Variants in CAMK1D observed in about 807,000 individuals in gnomAD.
CAMK1D encodes calcium/calmodulin-dependent protein kinase type 1D.
A neutral mutation model predicts 47.7 loss-of-function variants in CAMK1D; 9 were observed. That is an observed-to-expected ratio of 0.19 (90% CI 0.11 to 0.33). The LOEUF is 0.33. Ranked by LOEUF, CAMK1D falls within the 10% of genes least tolerant of loss-of-function variation. The pLI, the probability that CAMK1D is intolerant of heterozygous loss-of-function variation, is 1.00. For synonymous variants in CAMK1D, 184 were observed against 184.9 expected (o/e 0.99, Z 0.04); for missense variants, 291 against 488.7 (o/e 0.60, Z 3.81).
At chr10:12,813,707 G>T (rs1832693219) in intron 6 of CAMK1D, among the ~76,000 whole-genome samples, 1 of 151,974 alleles carries the variant, frequency 6.6e-6, no homozygotes. Flanking sequence ...GTGCTTTCTT[G>T]GTTGAGATTA....
At chr10:12,426,435 G>A (rs980798012) in intron 1 of CAMK1D, among the ~76,000 whole-genome samples, 10 of 152,158 alleles carry the variant, frequency 6.6e-5, no homozygotes, top group Admixed American at 5.2e-4. Context: ...AAGTAGACAC[G>A]GGGTTTCTCC....
chr10:12,668,986 C>T (rs935893726), intron 3 of CAMK1D, among the ~76,000 whole-genome samples: 2 of 152,114 alleles, frequency 1.3e-5, no homozygotes, highest in Admixed American at 1.3e-4. Context: ...AATCCCAGCA[C>T]TTTGGGAGTT....
intron 1 of CAMK1D, among the ~76,000 whole-genome samples, chr10:12,536,530 C>T (rs11591354): frequency 0.062 from 9,491 of 152,272 alleles, 337 homozygotes; most frequent in East Asian, 0.082. Flanking sequence ...CCACACGTCT[C>T]GGCCTCCCAC....
intron 5 of CAMK1D, among the ~76,000 whole-genome samples, chr10:12,770,422 C>T (rs1184368933): frequency 7.0e-6 from 1 of 142,042 alleles, no homozygotes; most frequent in Non-Finnish European, 1.6e-5. Flanking sequence ...CCTGGAGAAA[C>T]ACCATTAGAA....
At chr10:12,823,572 G>T (rs908655602) in intron 8 of CAMK1D, among the ~76,000 whole-genome samples, 1 of 152,014 alleles carries the variant, frequency 6.6e-6, no homozygotes, top group East Asian at 1.9e-4. Flanking sequence ...GGAGGAGGCT[G>T]TAAGACCCAA....
At chr10:12,727,704 A>G (rs942231475) in intron 3 of CAMK1D, among the ~76,000 whole-genome samples, 1 of 151,938 alleles carries the variant, frequency 6.6e-6, no homozygotes, top group Non-Finnish European at 1.5e-5. Context: ...ACAATATATC[A>G]TAGGATGCAC....
At chr10:12,694,212 A>AATATATAATATATATTATATATT (rs1833118329) in intron 3 of CAMK1D, among the ~76,000 whole-genome samples, 1 of 33,424 alleles carries the variant, frequency 3.0e-5, no homozygotes, top group African/African-American at 1.2e-4. Flanking sequence ...TATTATGTAT[A>AATATATAATATATATTATATATT]ATATAAAATA....
At chr10:12,361,545 CTTT>C (rs36015215) in intron 1 of CAMK1D, among the ~76,000 whole-genome samples, 1,042 of 63,096 alleles carry the variant, frequency 0.017, 11 homozygotes, top group African/African-American at 0.032. Context: ...GTGCCTGGCC[CTTT>C]TTTTTTTTTT....
Position 12,586,071 on chromosome 10 carries a change from C to G in CAMK1D, c.224+32715C>G, listed in dbSNP as rs1837808176. 2.0e-5 allele frequency among the ~76,000 whole-genome samples: 3 copies of G among 152,232 alleles called. No individual in the cohort carries two copies. The South Asian group carries it at 6.2e-4, about 32-fold the overall frequency. Reference sequence around the variant, plus strand: ...TGACAAACGGTTGCTTGGATGGAGCCCTTCCGAGCATAGGTATTTATAGAT... The same window carrying G: ...TGACAAACGGTTGCTTGGATGGAGCGCTTCCGAGCATAGGTATTTATAGAT... On this transcript the variant is annotated intron_variant, in intron 2 of 10. Coordinates refer to ENST00000619168, the MANE Select transcript of CAMK1D (RefSeq NM_153498.4).
chr10:12,554,705 TAA>T (rs1385428283), intron 2 of CAMK1D, among the ~76,000 whole-genome samples: 31 of 112,220 alleles, frequency 2.8e-4, no homozygotes, highest in African/African-American at 5.5e-4. Flanking sequence ...CCTGGCTAAT[TAA>T]AAAAAAATTT....
intron 1 of CAMK1D, among the ~76,000 whole-genome samples, chr10:12,391,287 C>G (rs1165693618): frequency 1.3e-5 from 2 of 152,118 alleles, no homozygotes; most frequent in Non-Finnish European, 2.9e-5. Context: ...AAATTGGAAT[C>G]ACTATGTAAA....
intron 1 of CAMK1D, among the ~76,000 whole-genome samples, chr10:12,429,300 C>G (rs1840360439): frequency 6.6e-6 from 1 of 152,108 alleles, no homozygotes; most frequent in Admixed American, 6.6e-5. Flanking sequence ...CTCCCCTGAC[C>G]ACCAAATGTC....
intron 3 of CAMK1D, among the ~76,000 whole-genome samples, chr10:12,690,166 G>A (rs1027012316): frequency 6.6e-6 from 1 of 152,176 alleles, no homozygotes; most frequent in Admixed American, 6.5e-5. Flanking sequence ...TCACATGACT[G>A]TAGACCTGGT....
At chr10:12,712,853 G>T (rs766503549) in intron 3 of CAMK1D, among the ~76,000 whole-genome samples, 2 of 152,112 alleles carry the variant, frequency 1.3e-5, no homozygotes, top group Admixed American at 6.5e-5. Context: ...CTGTACTGAT[G>T]AGAAAAGTAA....
intron 2 of CAMK1D, among the ~76,000 whole-genome samples, chr10:12,638,990 G>A (rs184322653): frequency 9.2e-5 from 14 of 152,264 alleles, no homozygotes; most frequent in African/African-American, 2.4e-4. Flanking sequence ...TGTCGTCTTC[G>A]TGAGGGCGGG....
chr10:12,453,436 C>T (rs532205724), intron 1 of CAMK1D, among the ~76,000 whole-genome samples: 5 of 152,114 alleles, frequency 3.3e-5, no homozygotes, highest in Non-Finnish European at 5.9e-5. Flanking sequence ...GATCCGCCTG[C>T]CTCGGCCTCC....
At chr10:12,563,694 A>AGAGG (rs1837024423) in intron 2 of CAMK1D, among the ~76,000 whole-genome samples, 1 of 64,374 alleles carries the variant, frequency 1.6e-5, no homozygotes, top group Non-Finnish European at 4.0e-5. Context: ...AGAGAGAGAG[A>AGAGG]GAGAGGGAGA....
intron 3 of CAMK1D, 147 bp downstream of exon 3, chr10:12,666,957 T>G: frequency 1.5e-6 from 1 of 661,820 alleles, no homozygotes; most frequent in Non-Finnish European, 2.7e-6. Context: ...GAGGCCTGTA[T>G]CCAACTAAAG....
intron 3 of CAMK1D, among the ~76,000 whole-genome samples, chr10:12,744,061 A>G (rs895291308): frequency 1.3e-5 from 2 of 151,904 alleles, no homozygotes; most frequent in African/African-American, 4.8e-5. Context: ...TGGACATTTC[A>G]TATAAATGAG....
Sources: allele counts gnomAD v4.1 joint callset (sites outside exome capture counted in the v4.1 genomes callset), GRCh38; gene constraint gnomAD v4.1.1; transcripts MANE v1.5; gene names NCBI Gene and HGNC (gene_info 2026-07-23, HGNC 2026-07-21).